POU3F3: variants seen among roughly 807,000 people sequenced by gnomAD.
POU3F3 encodes the protein POU domain, class 3, transcription factor 3.
In POU3F3, 1 loss-of-function variant was observed where a neutral mutation model predicts 8.6. The ratio of observed to expected loss-of-function variants is 0.12; its 90% CI spans 0.04 to 0.55. The LOEUF is 0.55. Among genes scored for constraint, POU3F3 ranks in the 20% least tolerant of loss-of-function variants. The pLI is 0.91. For synonymous variants in POU3F3, 418 were observed against 327.4 expected (o/e 1.28, Z -2.99); for missense variants, 577 against 690.7 (o/e 0.84, Z 1.84).
At position 104,857,156 on chromosome 2, in the gene POU3F3, G is replaced by A. The variant is rs1268077108; in HGVS notation, c.*143G>A. On this transcript the variant is annotated 3_prime_UTR_variant, in exon 1 of 1. Transcript: ENST00000361360. ...CGACCCTGCACCTGGGCCGCTCCGGGCTCCAGCCCAGGCCCATCCGCCGCC... is the reference window on the plus strand; with the variant it reads ...CGACCCTGCACCTGGGCCGCTCCGGACTCCAGCCCAGGCCCATCCGCCGCC... 3 of 888,752 alleles carry A rather than the reference G, an allele frequency of 3.4e-6. No homozygotes were observed. The highest frequency in any genetic ancestry group is 3.6e-5 in the African/African-American group (2 of 55,002). The allele number at this position is 888,752 out of a possible 1,614,324, so 55.1% of individuals were successfully genotyped here. A position where few individuals can be genotyped will look rare whatever the true frequency, so the allele number is the denominator to read the frequency against.
the POU3F3 span, among the ~76,000 whole-genome samples, chr2:104,874,141 G>A: frequency 3.3e-5 from 5 of 152,300 alleles, no homozygotes; most frequent in East Asian, 1.9e-4. Flanking sequence ...TCCAGCAGTG[G>A]CCCCAGGAGA....
At chr2:104,884,527 T>C in the POU3F3 span, among the ~76,000 whole-genome samples, 1 of 152,092 alleles carries the variant, frequency 6.6e-6, no homozygotes, top group East Asian at 1.9e-4. Context: ...TGGAAGCTGG[T>C]TTTCTGAGGA....
chr2:104,894,402 T>A, the POU3F3 span, among the ~76,000 whole-genome samples: 7 of 152,172 alleles, frequency 4.6e-5, no homozygotes, highest in East Asian at 5.8e-4. Flanking sequence ...GACAAGAACT[T>A]CCATTTATAG....
At chr2:104,915,020 C>T in the POU3F3 span, among the ~76,000 whole-genome samples, 2 of 152,182 alleles carry the variant, frequency 1.3e-5, no homozygotes, top group African/African-American at 4.8e-5. Flanking sequence ...GCAGCAGACA[C>T]AGCTGGGGAT....
At chr2:104,920,464 T>C in the POU3F3 span, among the ~76,000 whole-genome samples, 1 of 152,126 alleles carries the variant, frequency 6.6e-6, no homozygotes, top group Non-Finnish European at 1.5e-5. Flanking sequence ...TTTAGGCCTT[T>C]TGCAAAAAGC....
At chr2:104,869,667 G>A in the POU3F3 span, among the ~76,000 whole-genome samples, 53,589 of 152,016 alleles carry the variant, frequency 0.35, 9,900 homozygotes, top group East Asian at 0.64. Flanking sequence ...AGCCCTTCAG[G>A]CTTCTTTGCC....
chr2:104,898,690 A>T, the POU3F3 span, among the ~76,000 whole-genome samples: 1 of 152,172 alleles, frequency 6.6e-6, no homozygotes, highest in Admixed American at 6.5e-5. Flanking sequence ...GACACTTTGA[A>T]TTTTTCTGCT....
chr2:104,907,569 T>C, the POU3F3 span, among the ~76,000 whole-genome samples: 1 of 152,196 alleles, frequency 6.6e-6, no homozygotes, highest in Non-Finnish European at 1.5e-5. Flanking sequence ...TTACCTCTGC[T>C]TTTTTCTCCT....
At chr2:104,886,992 C>T in the POU3F3 span, among the ~76,000 whole-genome samples, 6 of 152,080 alleles carry the variant, frequency 3.9e-5, no homozygotes, top group Non-Finnish European at 7.4e-5. Context: ...AGAGCAGCCC[C>T]GAGGGCTGCT....
chr2:104,905,581 G>T, the POU3F3 span, among the ~76,000 whole-genome samples: 1 of 152,224 alleles, frequency 6.6e-6, no homozygotes, highest in African/African-American at 2.4e-5. Flanking sequence ...TATTCTGCAA[G>T]CCAGAAGTTC....
chr2:104,908,832 G>C, the POU3F3 span, among the ~76,000 whole-genome samples: 1 of 152,336 alleles, frequency 6.6e-6, no homozygotes, highest in Non-Finnish European at 1.5e-5. Flanking sequence ...TATTTCATAA[G>C]AGTAGATAAT....
chr2:104,874,771 A>G, the POU3F3 span, among the ~76,000 whole-genome samples: 2 of 152,204 alleles, frequency 1.3e-5, no homozygotes, highest in Non-Finnish European at 2.9e-5. Context: ...TCCGTCACAA[A>G]TGTTATGGAG....
chr2:104,887,631 AC>A, the POU3F3 span, among the ~76,000 whole-genome samples: 2 of 152,198 alleles, frequency 1.3e-5, no homozygotes, highest in Non-Finnish European at 2.9e-5. Flanking sequence ...TGCCAAAAAA[AC>A]TTTACATTTC....
downstream of POU3F3, among the ~76,000 whole-genome samples, chr2:104,863,279 G>C (rs1041636390): frequency 1.3e-5 from 2 of 151,384 alleles, no homozygotes; most frequent in African/African-American, 4.9e-5. Flanking sequence ...AAACCTGGGG[G>C]CTGGAGAAAG....
the POU3F3 span, chr2:104,872,742 G>A: frequency 4.2e-4 from 85 of 202,742 alleles, no homozygotes; most frequent in Non-Finnish European, 1.5e-4. This position sits in a 1 kb window ranked among gnomAD's most constrained non-coding sequence, Gnocchi z 4.6. Context: ...GCCAAGGAGA[G>A]GCACAAAAGA....
At chr2:104,868,776 T>G in the POU3F3 span, among the ~76,000 whole-genome samples, 1 of 152,110 alleles carries the variant, frequency 6.6e-6, no homozygotes, top group Non-Finnish European at 1.5e-5. Flanking sequence ...ACAGTGCAAA[T>G]GAGATGCATT....
At chr2:104,912,663 C>T in the POU3F3 span, among the ~76,000 whole-genome samples, 6 of 152,212 alleles carry the variant, frequency 3.9e-5, no homozygotes, top group African/African-American at 7.2e-5. Context: ...CAAGCCTGAA[C>T]ATTGAGCACG....
the POU3F3 span, among the ~76,000 whole-genome samples, chr2:104,888,985 A>G: frequency 6.6e-6 from 1 of 152,360 alleles, no homozygotes; most frequent in South Asian, 2.1e-4. Context: ...TGCTTTTGAA[A>G]ATAAGCTAAA....
the POU3F3 span, among the ~76,000 whole-genome samples, chr2:104,887,539 C>T: frequency 6.6e-6 from 1 of 152,182 alleles, no homozygotes; most frequent in African/African-American, 2.4e-5. Context: ...CTGGCGTCTA[C>T]CAGTGTGGGG....
Sources: gnomAD v4.1 joint callset for allele counts (sites outside exome capture counted in the v4.1 genomes callset) on GRCh38, gnomAD v4.1.1 for gene constraint, Gnocchi (gnomAD v3.1) non-coding constraint, MANE v1.5 for transcripts, NCBI Gene and HGNC (gene_info 2026-07-23, HGNC 2026-07-21) for gene names.